Variants in USP25 observed in about 807,000 individuals in gnomAD.
The protein encoded by USP25 is ubiquitin carboxyl-terminal hydrolase 25.
In USP25, 85 loss-of-function variants were observed where a neutral mutation model predicts 158.5. That is an observed-to-expected ratio of 0.54 (90% CI 0.45 to 0.64). USP25 has a LOEUF of 0.64. Ranked by LOEUF, USP25 falls within the 30% of genes least tolerant of loss-of-function variation. The pLI is 0.00. For synonymous variants in USP25, 464 were observed against 460.4 expected, an observed-to-expected ratio of 1.01 and a Z score of -0.10; for missense variants, 1,242 against 1,327.3, an observed-to-expected ratio of 0.94 and a Z score of 1.00.
At chr21:15,731,698 TAGA>T (rs1286904898) in intron 1 of USP25, among the ~76,000 whole-genome samples, 4 of 152,224 alleles carry the variant, frequency 2.6e-5, no homozygotes, top group African/African-American at 9.6e-5. Flanking sequence ...TTGGTAAAGT[TAGA>T]AGGATATTGC....
chr21:15,848,001 G>C (rs8128766), intron 19 of USP25, among the ~76,000 whole-genome samples: 31,033 of 152,088 alleles, frequency 0.2, 4,984 homozygotes, highest in African/African-American at 0.45. Flanking sequence ...TTTTCTGTTT[G>C]TGGAGTTAAT....
chr21:15,743,323 G>A (rs745554762), intron 1 of USP25, among the ~76,000 whole-genome samples: 19 of 152,176 alleles, frequency 1.2e-4, no homozygotes, highest in Non-Finnish European at 2.2e-4. Context: ...TGTTCCCACC[G>A]TTTGGCGAGT....
Position 15,878,669 on chromosome 21 carries a change from C to T in USP25, c.*194C>T, listed in dbSNP as rs1242667761. 16 of 476,282 alleles carry T rather than the reference C, an allele frequency of 3.4e-5. 1 individual carries two copies. The East Asian group carries it at 4.9e-4, about 15-fold the overall frequency. The allele number at this position is 476,282 out of a possible 1,614,324, so 29.5% of individuals were successfully genotyped here. A position where few individuals can be genotyped will look rare whatever the true frequency, so the allele number is the denominator to read the frequency against. On this transcript the variant is annotated 3_prime_UTR_variant, in exon 26 of 26. Transcript: ENST00000400183. The stretch of plus-strand genomic sequence containing the variant: ...AGCTGAAAATCGCATGGCGCTCAGA[C>T]ATTTTAACCGGAACTGATGTATAAT...
chr21:15,865,289 T>A (rs981340808), intron 21 of USP25, among the ~76,000 whole-genome samples: 1 of 152,310 alleles, frequency 6.6e-6, no homozygotes, highest in Admixed American at 6.5e-5. Context: ...ACATTTATGC[T>A]GTTGCAGTTC....
At chr21:15,878,274 T>C in intron 25 of USP25, 29 bp from the exon 26 acceptor site, 1 of 1,594,356 alleles carries the variant, frequency 6.3e-7, no homozygotes, top group Non-Finnish European at 8.5e-7. Context: ...TTTCTATCTT[T>C]AGTTAGATTT....
chr21:15,745,610 G>A (rs2032482205), intron 1 of USP25, among the ~76,000 whole-genome samples: 3 of 151,290 alleles, frequency 2.0e-5, no homozygotes, highest in African/African-American at 7.3e-5. Context: ...TGAGTAGCTG[G>A]GATTACAGGC....
At chr21:15,859,224 G>C (rs541091306) in intron 20 of USP25, among the ~76,000 whole-genome samples, 1 of 149,026 alleles carries the variant, frequency 6.7e-6, no homozygotes, top group African/African-American at 2.5e-5. Flanking sequence ...ACGGGGTCTC[G>C]CTCTGTCGCC....
intron 20 of USP25, among the ~76,000 whole-genome samples, chr21:15,852,842 TTGAG>T (rs749661934): frequency 8.4e-4 from 128 of 152,292 alleles, no homozygotes; most frequent in African/African-American, 2.2e-3. Flanking sequence ...CTATCTGTGA[TTGAG>T]TAATACATGA....
chr21:15,834,806 A>G (rs1366228013), intron 17 of USP25, among the ~76,000 whole-genome samples: 1 of 152,224 alleles, frequency 6.6e-6, no homozygotes, highest in Non-Finnish European at 1.5e-5. Flanking sequence ...CCACCATTAT[A>G]GTGGCTGGTG....
intron 18 of USP25, among the ~76,000 whole-genome samples, chr21:15,844,664 A>G (rs2038495586): frequency 1.3e-5 from 2 of 152,296 alleles, no homozygotes; most frequent in South Asian, 4.1e-4. Context: ...TTAATTTTAA[A>G]TGGAATACTT....
At chr21:15,796,416 T>C (rs1339235607) in intron 5 of USP25, among the ~76,000 whole-genome samples, 1 of 151,398 alleles carries the variant, frequency 6.6e-6, no homozygotes, top group Admixed American at 6.6e-5. Context: ...TGAGGAATTT[T>C]GAGTAAAGAA....
At chr21:15,793,739 T>C (rs996765428) in intron 5 of USP25, among the ~76,000 whole-genome samples, 18 of 151,572 alleles carry the variant, frequency 1.2e-4, no homozygotes, top group African/African-American at 4.4e-4. Context: ...AAGCATCAGA[T>C]TGTGGAAAAT....
chr21:15,838,878 A>C (rs962722054), intron 17 of USP25, among the ~76,000 whole-genome samples: 6 of 152,134 alleles, frequency 3.9e-5, no homozygotes, highest in Non-Finnish European at 8.8e-5. Context: ...AATATGCATA[A>C]GTAAAGCACC....
rs779745353 is a variant in USP25, at chr21:15,762,883, C to T, written c.46-8C>T. On this transcript the variant is annotated splice_region_variant and splice_polypyrimidine_tract_variant and intron_variant, in intron 1 of 25. Coordinates refer to ENST00000400183, the MANE Select transcript of USP25 (RefSeq NM_001283041.3). ...AATATAATGATTTTGGGTTTTTCCT[C>T]CCTCTAGCACCAGCAGACGTTTTTG... 1.6e-5 allele frequency: 25 copies of T among 1,605,970 alleles called. No individual in the cohort carries two copies. In the South Asian group the frequency reaches 2.8e-4, roughly 18 times the overall value.
At chr21:15,810,271 T>C (rs1449262144) in intron 8 of USP25, among the ~76,000 whole-genome samples, 4 of 152,098 alleles carry the variant, frequency 2.6e-5, no homozygotes, top group African/African-American at 7.2e-5. Flanking sequence ...GAAGTACTTA[T>C]CAACATTATT....
At chr21:15,775,172 AC>A (rs1376614617) in intron 3 of USP25, among the ~76,000 whole-genome samples, 11 of 152,144 alleles carry the variant, frequency 7.2e-5, no homozygotes, top group South Asian at 2.1e-4. Flanking sequence ...TGGGGAAAAA[AC>A]ATCTTGTTTT....
chr21:15,774,973 C>T (rs1413068088), intron 3 of USP25, among the ~76,000 whole-genome samples: 1 of 152,064 alleles, frequency 6.6e-6, no homozygotes, highest in East Asian at 1.9e-4. Context: ...GACTTTCCTC[C>T]CTTTTTTCAA....
intron 20 of USP25, among the ~76,000 whole-genome samples, chr21:15,863,540 T>G (rs994791059): frequency 2.6e-5 from 4 of 152,148 alleles, no homozygotes; most frequent in Non-Finnish European, 5.9e-5. Context: ...ATATATCAAC[T>G]CTAGAATTTT....
At chr21:15,848,747 A>G (rs1295057078) in intron 19 of USP25, among the ~76,000 whole-genome samples, 2 of 152,178 alleles carry the variant, frequency 1.3e-5, no homozygotes, top group Non-Finnish European at 2.9e-5. Context: ...ATCACACGCC[A>G]TAAAGAGAAT....
Sources: gnomAD v4.1 joint callset for allele counts (sites outside exome capture counted in the v4.1 genomes callset) on GRCh38, gnomAD v4.1.1 for gene constraint, MANE v1.5 for transcripts, NCBI Gene and HGNC (gene_info 2026-07-23, HGNC 2026-07-21) for gene names.